The following CCDC85A variants were observed in gnomAD, a reference collection of about 807,000 sequenced individuals.
CCDC85A encodes coiled-coil domain containing 85A, also known as coiled-coil domain-containing protein 85A.
Under a neutral mutation model 50.2 loss-of-function variants are expected in CCDC85A, and 38 were observed. The observed-to-expected ratio is 0.76, with a 90% CI of 0.58 to 0.99. The LOEUF is 0.99. CCDC85A is among the 50% of genes least tolerant of loss of function. The pLI, the probability that CCDC85A is intolerant of heterozygous loss-of-function variation, is 0.00. For synonymous variants in CCDC85A, 366 were observed against 301.4 expected (o/e 1.21, Z -2.22); for missense variants, 820 against 742.0 (o/e 1.11, Z -1.22).
At chr2:56,230,698 T>A (rs1386283760) in intron 2 of CCDC85A, among the ~76,000 whole-genome samples, 1 of 152,248 alleles carries the variant, frequency 6.6e-6, no homozygotes. Flanking sequence ...TGTTTGATTA[T>A]TCTTTTTCAA....
intron 2 of CCDC85A, among the ~76,000 whole-genome samples, chr2:56,269,018 C>T (rs1197830326): frequency 3.0e-4 from 46 of 152,156 alleles, no homozygotes; most frequent in African/African-American, 1.0e-3. Flanking sequence ...AACACTTTTC[C>T]ATAGACTAGT....
chr2:56,259,167 T>C (rs1348576296), intron 2 of CCDC85A, among the ~76,000 whole-genome samples: 1 of 152,180 alleles, frequency 6.6e-6, no homozygotes, highest in African/African-American at 2.4e-5. Flanking sequence ...AGCAAGGAAC[T>C]TGACAGAAAC....
intron 3 of CCDC85A, among the ~76,000 whole-genome samples, chr2:56,363,295 A>G (rs2104373448): frequency 6.6e-6 from 1 of 152,172 alleles, no homozygotes. Flanking sequence ...ACTACTACCA[A>G]TTATGCAAAG....
intron 2 of CCDC85A, among the ~76,000 whole-genome samples, chr2:56,311,661 A>G (rs887143552): frequency 6.6e-6 from 1 of 152,104 alleles, no homozygotes; most frequent in Non-Finnish European, 1.5e-5. Context: ...ATCTAACCGC[A>G]TGTTCAGGCA....
intron 2 of CCDC85A, among the ~76,000 whole-genome samples, chr2:56,237,293 A>G (rs1407440972): frequency 6.6e-6 from 1 of 152,182 alleles, no homozygotes; most frequent in Non-Finnish European, 1.5e-5. Flanking sequence ...ATTCACCAAG[A>G]TTATCCTTAT....
intron 2 of CCDC85A, among the ~76,000 whole-genome samples, chr2:56,265,993 C>T (rs1405581809): frequency 6.6e-6 from 1 of 152,162 alleles, no homozygotes; most frequent in Non-Finnish European, 1.5e-5. Context: ...TCATTTGCCA[C>T]ATCGTGAATG....
At chr2:56,339,795 G>A (rs1372693548) in intron 2 of CCDC85A, among the ~76,000 whole-genome samples, 3 of 152,052 alleles carry the variant, frequency 2.0e-5, no homozygotes, top group Non-Finnish European at 4.4e-5. Context: ...TGTAAATCAG[G>A]CAATCTACAT....
At chr2:56,184,970 A>G (rs1170451602) in intron 1 of CCDC85A, 70 bp downstream of exon 1, 2 of 1,425,960 alleles carry the variant, frequency 1.4e-6, no homozygotes, top group Non-Finnish European at 9.1e-7. Flanking sequence ...AGGCGGGGCC[A>G]GGCAAACTTT....
intron 2 of CCDC85A, among the ~76,000 whole-genome samples, chr2:56,324,988 C>T (rs1037934597): frequency 1.3e-5 from 2 of 151,648 alleles, no homozygotes; most frequent in Non-Finnish European, 2.9e-5. Flanking sequence ...TTGAAATGAC[C>T]ATGCACTGAA....
At chr2:56,241,698 A>G (rs776638213) in intron 2 of CCDC85A, among the ~76,000 whole-genome samples, 20 of 152,202 alleles carry the variant, frequency 1.3e-4, no homozygotes, top group Non-Finnish European at 2.9e-4. Flanking sequence ...ACTCCATGGT[A>G]TATACCACAT....
chr2:56,312,517 T>C (rs920039512), intron 2 of CCDC85A, among the ~76,000 whole-genome samples: 14 of 152,040 alleles, frequency 9.2e-5, no homozygotes, highest in Non-Finnish European at 1.5e-4. Flanking sequence ...ATAATACAGG[T>C]TTTGAAGAAT....
intron 2 of CCDC85A, among the ~76,000 whole-genome samples, chr2:56,287,029 A>G (rs1344011485): frequency 2.0e-5 from 3 of 152,130 alleles, no homozygotes; most frequent in African/African-American, 4.8e-5. Flanking sequence ...TTTTAACTGA[A>G]TGCTGAGGTG....
At chr2:56,342,456 T>A (rs1674420246) in intron 2 of CCDC85A, among the ~76,000 whole-genome samples, 1 of 152,212 alleles carries the variant, frequency 6.6e-6, no homozygotes, top group Non-Finnish European at 1.5e-5. Flanking sequence ...GGTTTTGCCC[T>A]GTTCTAAGTG....
At chr2:56,279,049 A>G (rs1671087201) in intron 2 of CCDC85A, among the ~76,000 whole-genome samples, 1 of 152,196 alleles carries the variant, frequency 6.6e-6, no homozygotes. Flanking sequence ...GTGATTTGCC[A>G]GGGGGCCTTT....
At chr2:56,276,312 T>TTTTA (rs1278705708) in intron 2 of CCDC85A, among the ~76,000 whole-genome samples, 4 of 152,206 alleles carry the variant, frequency 2.6e-5, no homozygotes, top group Non-Finnish European at 2.9e-5. Context: ...CTTACTGGCT[T>TTTTA]TACTTTCTGA....
chr2:56,208,291 C>G (rs544662030), intron 2 of CCDC85A, among the ~76,000 whole-genome samples: 161 of 152,248 alleles, frequency 1.1e-3, no homozygotes, highest in Admixed American at 1.7e-3. Flanking sequence ...CCAGAAGAAA[C>G]TAAACTAAAT....
chr2:56,316,029 G>C (rs535073368), intron 2 of CCDC85A, among the ~76,000 whole-genome samples: 3 of 152,232 alleles, frequency 2.0e-5, no homozygotes, highest in African/African-American at 7.2e-5. Flanking sequence ...ACACTAGGGG[G>C]TCAGCTTGGT....
At chr2:56,211,095 C>CT (rs2103878410) in intron 2 of CCDC85A, among the ~76,000 whole-genome samples, 1 of 152,208 alleles carries the variant, frequency 6.6e-6, no homozygotes, top group African/African-American at 2.4e-5. Context: ...TTAGAGATCA[C>CT]TGTTCTTCCT....
chr2:56,302,650 C>G (rs928308026), intron 2 of CCDC85A, among the ~76,000 whole-genome samples: 2 of 152,188 alleles, frequency 1.3e-5, no homozygotes, highest in African/African-American at 2.4e-5. Context: ...CAGACACCAT[C>G]TTTACAATAC....
Sources: allele counts gnomAD v4.1 joint callset (sites outside exome capture counted in the v4.1 genomes callset), GRCh38; gene constraint gnomAD v4.1.1; transcripts MANE v1.5; gene names NCBI Gene and HGNC (gene_info 2026-07-23, HGNC 2026-07-21).